Variants in AGRN observed in about 807,000 individuals in gnomAD.
AGRN encodes the protein agrin, also known as agrin proteoglycan.
Under a neutral mutation model 211.0 loss-of-function variants are expected in AGRN, and 106 were observed. The observed-to-expected ratio is 0.50, with a 90% CI of 0.43 to 0.59. The LOEUF is 0.59. Among genes scored for constraint, AGRN ranks in the 20% least tolerant of loss-of-function variants. The pLI is 0.00. For missense variants in AGRN, 3,040 were observed against 2,982.6 expected (o/e 1.02, Z -0.45); for synonymous variants, 1,525 against 1,332.5 (o/e 1.14, Z -3.15).
chr1:1,052,032 C>T lies in AGRN; in HGVS notation c.5651+217C>T, dbSNP rs191267854. Reference sequence around the variant, plus strand: ...AGATCCCCGTGTGAGTAGAGCTCGGCGCCCCCCGCTCCCTCTCACTCCCAC... The same window carrying T: ...AGATCCCCGTGTGAGTAGAGCTCGGTGCCCCCCGCTCCCTCTCACTCCCAC... On this transcript the variant is annotated intron_variant, in intron 33 of 35. Transcript: ENST00000379370. 5.2e-5 allele frequency: 79 copies of T among 1,512,066 alleles called. No homozygotes were observed. In the East Asian group the frequency reaches 5.8e-4, roughly 11 times the overall value. 93.7% of individuals were successfully genotyped at this position (1,512,066 alleles called of 1,614,324 possible). A position where few individuals can be genotyped will look rare whatever the true frequency, so the allele number is the denominator to read the frequency against.
At position 1,043,333 on chromosome 1, in the gene AGRN, G is replaced by T; in HGVS notation, c.1479G>T (p.Ala493=). Residue 493 remains alanine, a synonymous_variant, in exon 8 of 36, where the codon GCG becomes GCT. Coordinates refer to ENST00000379370, the MANE Select transcript of AGRN (RefSeq NM_198576.4). ...AGGCAGCGTGTGAATGCCTGCAGGC[G>T]TGCTCGAGCCTCTACGATCCTGTGT... ...NGQAACECLQ[A]CSSLYDPVCG... 1 of 1,608,256 alleles carries T rather than the reference G, an allele frequency of 6.2e-7. No individual in the cohort carries two copies. Among genetic ancestry groups the T allele is most frequent in the Non-Finnish European group, 8.5e-7 (1 of 1,178,562 alleles).
chr1:1,055,060 C>T lies in AGRN; in HGVS notation c.*79C>T. 1 of 1,531,396 alleles carries T rather than the reference C, an allele frequency of 6.5e-7. No homozygotes were observed. Among genetic ancestry groups the T allele is most frequent in the East Asian group, 2.4e-5 (1 of 40,846 alleles). 94.9% of individuals were successfully genotyped at this position (1,531,396 alleles called of 1,614,324 possible). Reference sequence around the variant, plus strand: ...GTTGCTTTTTGATATGATTTTCTTGCCTGAGTGTTGGCCGGAGGGACTGCT... The same window carrying T: ...GTTGCTTTTTGATATGATTTTCTTGTCTGAGTGTTGGCCGGAGGGACTGCT... On this transcript the variant is annotated 3_prime_UTR_variant, in exon 36 of 36. Transcript: ENST00000379370.
In AGRN at chr1:1,035,325, G is replaced by A. The variant is rs1644778084; in HGVS notation, c.511+1G>A. The A allele has an allele frequency of 1.2e-6, 2 of 1,613,118 alleles. No individual in the cohort carries two copies. The highest frequency in any genetic ancestry group is 1.7e-6 in the Non-Finnish European group (2 of 1,179,988). On this transcript the variant is annotated splice_donor_variant, in intron 3 of 35. Transcript: ENST00000379370. LOFTEE classifies it high-confidence loss of function. Reference sequence around the variant, plus strand: ...CCAGTGCCTCCGACGCCTCCTGATGGTGAGTAGGGCTGAGTTCGGGGGACC... The same window carrying A: ...CCAGTGCCTCCGACGCCTCCTGATGATGAGTAGGGCTGAGTTCGGGGGACC...
At position 1,046,072 on chromosome 1, in the gene AGRN, A is replaced by C. The variant is rs747910768; in HGVS notation, c.2789A>C (p.Glu930Ala). Residue 930 changes from glutamate to alanine, a missense_variant, in exon 16 of 36, where the codon GAG becomes GCG. This residue lies in a region of AGRN where 1,498 missense variants were observed against 1,457.8 expected (regional missense o/e 1.03). Transcript: ENST00000379370. ...HCVCPMLTCP[E>A]ANATKVCGSD... ...GTCTGCCCGATGCTCACCTGTCCAG[A>C]GGCCAACGCTACCAAGGTGAGGGGT... The C allele has an allele frequency of 8.1e-6, 13 of 1,613,906 alleles. No individual in the cohort carries two copies. The South Asian group carries it at 1.1e-4, about 14-fold the overall frequency.
In AGRN at chr1:1,046,562, C is replaced by T. The variant is rs3813188; in HGVS notation, c.3077C>T (p.Thr1026Ile). Residue 1026 changes from threonine to isoleucine, a missense_variant, in exon 18 of 36, where the codon ACC becomes ATC. This residue lies in a region of AGRN where 1,537 missense variants were observed against 1,505.0 expected (regional missense o/e 1.02). Coordinates refer to ENST00000379370, the MANE Select transcript of AGRN (RefSeq NM_198576.4). ...CCTCCGCCCTCATCACGACCTCGGA[C>T]CACTGCCAGCGTCCCCAGGACCACC... ...TTPPPSSRPRTTASVPRTTVW... is the reference protein window; with the variant it reads ...TTPPPSSRPRITASVPRTTVW... 2 of 1,609,206 alleles carry T rather than the reference C, an allele frequency of 1.2e-6. No homozygotes were observed.
chr1:1,035,287 G>T lies in AGRN; in HGVS notation c.474G>T (p.Gly158=). Residue 158 remains glycine (G), a synonymous_variant, in exon 3 of 36, where the codon GGG becomes GGT. Transcript: ENST00000379370. ...TTTGTTTTCTTCCAGATAAACCCGG[G>T]ACCCACTTCACTCCAGTGCCTCCGA... ...EVEFCVEDKP[G]THFTPVPPTP... is the part of the protein sequence containing the mutation. 6.2e-7 allele frequency: 1 copy of T among 1,613,106 alleles called. No individual in the cohort carries two copies. The highest frequency in any genetic ancestry group is 8.5e-7 in the Non-Finnish European group (1 of 1,179,990).
At position 1,031,729 on chromosome 1, in the gene AGRN, C is replaced by T. The variant is rs769211529; in HGVS notation, c.464-3548C>T. On this transcript the variant is annotated intron_variant, in intron 2 of 35. Transcript: ENST00000379370. This position sits in a 1 kb window ranked among gnomAD's most constrained non-coding sequence, Gnocchi z 4.8. ...GTGTTTGAGGCCCCCTCTGCCAGCC[C>T]GTACCTGGGGCTCCCCCACCCCTCC... Among the ~76,000 whole-genome samples the T allele has an allele frequency of 7.2e-5, 11 of 152,230 alleles. No homozygotes were observed. Among genetic ancestry groups the T allele is most frequent in the African/African-American group, 1.4e-4 (6 of 41,466 alleles).
chr1:1,034,961 T>C (rs113757637), intron 2 of AGRN: 1 of 466,442 alleles, frequency 2.1e-6, no homozygotes, highest in Admixed American at 3.3e-5. Context: ...GAGCCGGCAG[T>C]TGGGGGTAGG....
Position 1,048,311 on chromosome 1 carries a change from G to C in AGRN, c.4051G>C (p.Gly1351Arg), listed in dbSNP as rs867208955. 1 of 1,492,898 alleles carries C rather than the reference G, an allele frequency of 6.7e-7. No homozygotes were observed. Among genetic ancestry groups the C allele is most frequent in the African/African-American group, 1.4e-5 (1 of 72,016 alleles). The allele number at this position is 1,492,898 out of a possible 1,614,324, so 92.5% of individuals were successfully genotyped here. ...GGTCQDWALG[G>R]GFTCSCPAGR... ...GACCTGCCAGGACTGGGCATTGGGCGGGGGCTTCACCTGCAGCTGCCCGGC... is the reference window on the plus strand; with the variant it reads ...GACCTGCCAGGACTGGGCATTGGGCCGGGGCTTCACCTGCAGCTGCCCGGC... Residue 1351 changes from glycine (G) to arginine (R), a missense_variant, in exon 23 of 36, where the codon GGG becomes CGG. Gly to Arg is a moderately radical substitution (Grantham distance 125). Coordinates refer to ENST00000379370, the MANE Select transcript of AGRN (RefSeq NM_198576.4). The surrounding 1 kb of genome is among the most constrained non-coding windows in gnomAD (Gnocchi z 5.9).
intron 2 of AGRN, among the ~76,000 whole-genome samples, chr1:1,026,743 C>T (rs892705310): frequency 2.0e-5 from 3 of 152,176 alleles, no homozygotes; most frequent in Non-Finnish European, 4.4e-5. Context: ...GGTGGCCTGC[C>T]CACCTCAGGA....
intron 2 of AGRN, among the ~76,000 whole-genome samples, chr1:1,029,291 C>T (rs74045087): frequency 6.1e-4 from 91 of 150,034 alleles, no homozygotes; most frequent in African/African-American, 2.2e-3. Flanking sequence ...GTGAGGAGAA[C>T]GTGCCTTCCC....
At chr1:1,022,139 C>A (rs896316538) in intron 1 of AGRN, 62 bp from the exon 2 acceptor site, 19 of 1,601,704 alleles carry the variant, frequency 1.2e-5, no homozygotes, top group African/African-American at 2.7e-5. Context: ...ACACCTAAAG[C>A]CCCCAGTCTA....
Position 1,053,862 on chromosome 1 carries a change from C to G in AGRN, c.5761C>G (p.Leu1921Val), listed in dbSNP as rs766112771. The stretch of plus-strand genomic sequence containing the variant: ...CACGGAGCGGGCAGACTATGTGGCA[C>G]TGGCCATTGTGGACGGGCACCTGCA... The part of the protein sequence containing the change: ...KATERADYVA[L>V]AIVDGHLQLS... The change falls in exon 34 of 36, where the codon CTG becomes GTG. Residue 1921 changes from leucine to valine, a missense_variant. This residue lies in a region of AGRN where 1,537 missense variants were observed against 1,505.0 expected (regional missense o/e 1.02). Transcript: ENST00000379370. The G allele has an allele frequency of 1.2e-6, 2 of 1,610,432 alleles. No homozygotes were observed. Among genetic ancestry groups the G allele is most frequent in the Non-Finnish European group, 1.7e-6 (2 of 1,179,078 alleles).
rs754140710 is a variant in AGRN at position 1,041,482 on chromosome 1, C to G, written c.957C>G (p.Pro319=). The G allele has an allele frequency of 6.3e-7, 1 of 1,592,554 alleles. No homozygotes were observed. Among genetic ancestry groups the G allele is most frequent in the Admixed American group, 1.7e-5 (1 of 59,130 alleles). The stretch of plus-strand genomic sequence containing the variant: ...ACTCCTGCCCTCGACCCCCAGACCC[C>G]TGTCAGGGCGCCCTCCCTGACCCGA... The part of the protein sequence containing the change: ...VFKKFDGPCD[P]CQGALPDPSR... The change falls in exon 6 of 36, where the codon CCC becomes CCG. Residue 319 remains proline (P), a synonymous_variant. Coordinates refer to ENST00000379370, the MANE Select transcript of AGRN (RefSeq NM_198576.4).
chr1:1,024,950 C>A (rs763332026), intron 2 of AGRN, among the ~76,000 whole-genome samples: 192 of 152,292 alleles, frequency 1.3e-3, no homozygotes, highest in Non-Finnish European at 2.1e-3. Context: ...GTGCCAGCTG[C>A]CCAGGGCTGG....
chr1:1,022,552 T>C, intron 2 of AGRN, 90 bp downstream of exon 2: 1 of 1,146,868 alleles, frequency 8.7e-7, no homozygotes, highest in East Asian at 2.8e-5. Context: ...GCGGGGTCCT[T>C]TCGTGCTGTG....
At chr1:1,052,179 T>G in intron 33 of AGRN, 1 of 859,734 alleles carries the variant, frequency 1.2e-6, no homozygotes, top group Admixed American at 2.5e-5. Context: ...GCCTCAGAAG[T>G]GCAGTCGCCC....
rs1358837440 is a variant in AGRN at position 1,020,125 on chromosome 1, C to G, written c.-48C>G. 9 of 978,892 alleles carry G rather than the reference C, an allele frequency of 9.2e-6. No individual in the cohort carries two copies. The highest frequency in any genetic ancestry group is 3.9e-4 in the Middle Eastern group (1 of 2,594). The allele number at this position is 978,892 out of a possible 1,614,324, so 60.6% of individuals were successfully genotyped here. A position where few individuals can be genotyped will look rare whatever the true frequency, so the allele number is the denominator to read the frequency against. On this transcript the variant is annotated 5_prime_UTR_variant, in exon 1 of 36. Transcript: ENST00000379370. ...AGCTGCGTCCCGTCCTGTCCAGTCCCGTCCCCGGCGCGGCCCGCGCGCTCC... is the reference window on the plus strand; with the variant it reads ...AGCTGCGTCCCGTCCTGTCCAGTCCGGTCCCCGGCGCGGCCCGCGCGCTCC...
rs1336290635 is a variant in AGRN, at chr1:1,031,441, CCTGG to C, written c.464-3831_464-3828del. On this transcript the variant is annotated intron_variant, in intron 2 of 35. Transcript: ENST00000379370. This position sits in a 1 kb window ranked among gnomAD's most constrained non-coding sequence, Gnocchi z 4.8. ...TAGCTCATGTCGCCTGAGCTCCCTC[CCTGG>C]CTGGGCCTGGGGCCTCAATGGCCCT... 1.3e-5 allele frequency among the ~76,000 whole-genome samples: 2 copies of C among 152,142 alleles called. No homozygotes were observed. Among genetic ancestry groups the C allele is most frequent in the Non-Finnish European group, 2.9e-5 (2 of 68,004 alleles).
Sources: gnomAD v4.1 joint callset for allele counts (sites outside exome capture counted in the v4.1 genomes callset) on GRCh38, gnomAD v4.1.1 for gene constraint, gnomAD v4.1.1 regional missense constraint, Gnocchi (gnomAD v3.1) non-coding constraint, MANE v1.5 for transcripts, NCBI Gene and HGNC (gene_info 2026-07-23, HGNC 2026-07-21) for gene names.